RNGTT: variants seen among roughly 807,000 people sequenced by gnomAD.
RNGTT encodes RNA guanylyltransferase and 5'-phosphatase.
In RNGTT, 33 loss-of-function variants were observed where a neutral mutation model predicts 79.3. The ratio of observed to expected loss-of-function variants is 0.42; its 90% CI spans 0.32 to 0.56. RNGTT has a LOEUF of 0.56. Ranked by LOEUF, RNGTT falls within the 20% of genes least tolerant of loss-of-function variation. The probability of loss-of-function intolerance (pLI) is 0.17; values close to 1 mark genes in which losing one functional copy is unlikely to be tolerated. For missense variants in RNGTT, 497 were observed against 739.1 expected, an observed-to-expected ratio of 0.67 and a Z score of 3.80; for synonymous variants, 222 against 235.9, an observed-to-expected ratio of 0.94 and a Z score of 0.54.
chr6:88,767,212 T>C (rs1228591938), intron 13 of RNGTT, among the ~76,000 whole-genome samples: 1 of 152,046 alleles, frequency 6.6e-6, no homozygotes, highest in Non-Finnish European at 1.5e-5. Context: ...GAAAATCACC[T>C]TAGAGAAACA....
At chr6:88,626,740 C>G (rs1312105696) in intron 14 of RNGTT, among the ~76,000 whole-genome samples, 1 of 152,014 alleles carries the variant, frequency 6.6e-6, no homozygotes, top group East Asian at 1.9e-4. Flanking sequence ...TTCACAGCTG[C>G]AAAGCTTTTG....
At chr6:88,645,696 A>G (rs1773521961) in intron 14 of RNGTT, among the ~76,000 whole-genome samples, 2 of 152,098 alleles carry the variant, frequency 1.3e-5, no homozygotes, top group African/African-American at 2.4e-5. Context: ...CAGAAATAAT[A>G]CCACACATCT....
intron 14 of RNGTT, among the ~76,000 whole-genome samples, chr6:88,657,587 T>G (rs2127780512): frequency 6.6e-6 from 1 of 152,252 alleles, no homozygotes; most frequent in East Asian, 1.9e-4. Context: ...AAACTGCAGC[T>G]GATGGTGCAG....
At chr6:88,846,010 A>ACATATGT (rs1781471380) in intron 10 of RNGTT, among the ~76,000 whole-genome samples, 1 of 152,234 alleles carries the variant, frequency 6.6e-6, no homozygotes, top group Non-Finnish European at 1.5e-5. Flanking sequence ...TAAAAAAAAA[A>ACATATGT]AAAGTCTAAC....
chr6:88,773,237 G>A (rs1446058082), intron 12 of RNGTT, among the ~76,000 whole-genome samples: 2 of 148,502 alleles, frequency 1.3e-5, no homozygotes, highest in African/African-American at 2.5e-5. Context: ...AACAAACACC[G>A]CATATTCTCA....
At chr6:88,930,171 CAT>C (rs1317227436) in intron 2 of RNGTT, among the ~76,000 whole-genome samples, 2 of 146,806 alleles carry the variant, frequency 1.4e-5, no homozygotes, top group Non-Finnish European at 3.0e-5. Flanking sequence ...TATACATATA[CAT>C]ATATGTATAT....
intron 15 of RNGTT, 41 bp downstream of exon 15, chr6:88,614,231 T>C (rs1772136653): frequency 6.2e-7 from 1 of 1,601,102 alleles, no homozygotes; most frequent in African/African-American, 1.3e-5. Flanking sequence ...CCTTAATTTT[T>C]GTTTTAAATA....
chr6:88,900,208 G>A (rs1447301044), intron 6 of RNGTT, among the ~76,000 whole-genome samples: 2 of 150,542 alleles, frequency 1.3e-5, no homozygotes, highest in African/African-American at 4.9e-5. Flanking sequence ...ATCCACAGGA[G>A]ACCGACATAT....
At chr6:88,791,808 C>G (rs893334151) in intron 12 of RNGTT, among the ~76,000 whole-genome samples, 7 of 152,036 alleles carry the variant, frequency 4.6e-5, no homozygotes, top group Admixed American at 2.0e-4. Flanking sequence ...CAAAGTGCTG[C>G]GATTACAGGC....
At chr6:88,815,154 G>C (rs975493795) in intron 11 of RNGTT, among the ~76,000 whole-genome samples, 1 of 152,180 alleles carries the variant, frequency 6.6e-6, no homozygotes, top group African/African-American at 2.4e-5. Flanking sequence ...AGGAGATAAA[G>C]ACTAAAGGTC....
intron 14 of RNGTT, among the ~76,000 whole-genome samples, chr6:88,642,572 G>A (rs1178443331): frequency 6.6e-6 from 1 of 152,146 alleles, no homozygotes; most frequent in Non-Finnish European, 1.5e-5. Flanking sequence ...ATTCTCAAAT[G>A]TAAGTCAGCA....
At chr6:88,640,874 A>G (rs1384498946) in intron 14 of RNGTT, among the ~76,000 whole-genome samples, 1 of 152,196 alleles carries the variant, frequency 6.6e-6, no homozygotes. Flanking sequence ...GTCCCTATTA[A>G]TGGAAAGAAG....
chr6:88,890,625 T>C lies in RNGTT; in HGVS notation c.795-29A>G, dbSNP rs764701989. ...AAAGAAGAACACAGTATTACTATCGTGGCTGGTATCCATACAAAGCAATAC... is the reference window on the plus strand; with the variant it reads ...AAAGAAGAACACAGTATTACTATCGCGGCTGGTATCCATACAAAGCAATAC... On this transcript the variant is annotated intron_variant, in intron 7 of 15. Transcript: ENST00000369485. The C allele has an allele frequency of 4.0e-6, 6 of 1,504,738 alleles. No individual in the cohort carries two copies. The South Asian group carries it at 6.9e-5, about 17-fold the overall frequency. 93.2% of individuals were successfully genotyped at this position (1,504,738 alleles called of 1,614,324 possible).
chr6:88,829,983 G>A (rs1200101466), intron 11 of RNGTT, among the ~76,000 whole-genome samples: 2 of 152,106 alleles, frequency 1.3e-5, no homozygotes, highest in African/African-American at 4.8e-5. Flanking sequence ...ACAGATCAAC[G>A]AGACAGGAAA....
At chr6:88,903,679 A>C (rs1783549546) in intron 6 of RNGTT, among the ~76,000 whole-genome samples, 1 of 152,236 alleles carries the variant, frequency 6.6e-6, no homozygotes, top group Admixed American at 6.5e-5. Context: ...GGTTTACATA[A>C]ACTAACAAAG....
At chr6:88,903,448 T>C (rs910362898) in intron 6 of RNGTT, among the ~76,000 whole-genome samples, 5 of 152,208 alleles carry the variant, frequency 3.3e-5, no homozygotes, top group African/African-American at 1.2e-4. Context: ...AGAATGTGAT[T>C]GTTATTTTTC....
At chr6:88,758,665 A>G (rs921926021) in intron 13 of RNGTT, among the ~76,000 whole-genome samples, 5 of 151,310 alleles carry the variant, frequency 3.3e-5, no homozygotes, top group Non-Finnish European at 7.4e-5. Context: ...CTAGTACATA[A>G]TGTTCATTTT....
At chr6:88,871,597 T>C (rs886674197) in intron 8 of RNGTT, among the ~76,000 whole-genome samples, 2 of 152,194 alleles carry the variant, frequency 1.3e-5, no homozygotes, top group African/African-American at 4.8e-5. Context: ...TCTTAGATCA[T>C]TTGCTATAAG....
chr6:88,955,874 C>A (rs1271883385), intron 1 of RNGTT, among the ~76,000 whole-genome samples: 5 of 151,618 alleles, frequency 3.3e-5, no homozygotes, highest in Non-Finnish European at 7.4e-5. Context: ...CCCATCTCTA[C>A]TAAAAATACA....
Sources: gnomAD v4.1 joint callset for allele counts (sites outside exome capture counted in the v4.1 genomes callset) on GRCh38, gnomAD v4.1.1 for gene constraint, MANE v1.5 for transcripts, NCBI Gene and HGNC (gene_info 2026-07-23, HGNC 2026-07-21) for gene names.